The following KALRN variants were observed in gnomAD, a reference collection of about 807,000 sequenced individuals.
The protein encoded by KALRN is kalirin.
In KALRN, 70 loss-of-function variants were observed where a neutral mutation model predicts 353.7. The ratio of observed to expected loss-of-function variants is 0.20; its 90% CI spans 0.16 to 0.24. The LOEUF (loss-of-function observed/expected upper bound fraction) is 0.24, where lower values mean the gene tolerates loss of function less well. Among genes scored for constraint, KALRN ranks in the 10% least tolerant of loss-of-function variants. The pLI, the probability that KALRN is intolerant of heterozygous loss-of-function variation, is 1.00. For synonymous variants in KALRN, 1,391 were observed against 1,434.8 expected (o/e 0.97, Z 0.69); for missense variants, 2,791 against 3,756.7 (o/e 0.74, Z 6.72).
At chr3:124,217,892 C>A (rs1444387426) in intron 1 of KALRN, among the ~76,000 whole-genome samples, 3 of 152,206 alleles carry the variant, frequency 2.0e-5, no homozygotes, top group Non-Finnish European at 2.9e-5. Context: ...TGTGGTGGAA[C>A]TGTGCCCAGT....
chr3:124,575,216 A>G (rs2073974276), intron 34 of KALRN, among the ~76,000 whole-genome samples: 1 of 152,194 alleles, frequency 6.6e-6, no homozygotes, highest in South Asian at 2.1e-4. Context: ...CTTGATTCTC[A>G]GATTGTGCCC....
chr3:124,487,568 C>T (rs912946153), intron 28 of KALRN, among the ~76,000 whole-genome samples: 1 of 152,202 alleles, frequency 6.6e-6, no homozygotes, highest in Admixed American at 6.5e-5. Context: ...ATCGCACTTA[C>T]CTCATCTGAC....
intron 2 of KALRN, among the ~76,000 whole-genome samples, chr3:124,232,775 C>A (rs1011632096): frequency 6.6e-6 from 1 of 152,068 alleles, no homozygotes; most frequent in Non-Finnish European, 1.5e-5. Flanking sequence ...TCCATCTGAA[C>A]CTTCCAAACT....
At chr3:124,449,354 A>T (rs1006424909) in intron 21 of KALRN, among the ~76,000 whole-genome samples, 2 of 152,208 alleles carry the variant, frequency 1.3e-5, no homozygotes, top group African/African-American at 4.8e-5. Flanking sequence ...ATAAAAATGA[A>T]ATAAAAAGTT....
chr3:124,207,400 T>C (rs1308055803), intron 1 of KALRN, among the ~76,000 whole-genome samples: 1 of 152,192 alleles, frequency 6.6e-6, no homozygotes, highest in Non-Finnish European at 1.5e-5. Context: ...ACCTCTGTCC[T>C]GTAACTCTCT....
At chr3:124,043,243 A>T (rs2040129763) in intron 1 of KALRN, among the ~76,000 whole-genome samples, 1 of 152,146 alleles carries the variant, frequency 6.6e-6, no homozygotes. Flanking sequence ...GTGGGAGTGC[A>T]TATAGATGGC....
chr3:124,416,250 A>G (rs984260132), intron 14 of KALRN, among the ~76,000 whole-genome samples: 2 of 152,224 alleles, frequency 1.3e-5, no homozygotes, highest in African/African-American at 4.8e-5. Context: ...ACCCTGGGCA[A>G]GCCAACGTCT....
chr3:124,657,626 C>T, intron 40 of KALRN, 75 bp downstream of exon 40: 1 of 1,388,416 alleles, frequency 7.2e-7, no homozygotes. Context: ...GCATCTGACT[C>T]AAGGAGTAGG....
intron 1 of KALRN, among the ~76,000 whole-genome samples, chr3:124,165,142 A>G (rs1218913212): frequency 6.6e-6 from 1 of 152,278 alleles, no homozygotes; most frequent in Non-Finnish European, 1.5e-5. Flanking sequence ...AAATGAAAAC[A>G]CAAGTAATTA....
chr3:124,255,641 G>A (rs1293667633), intron 3 of KALRN, among the ~76,000 whole-genome samples: 1 of 152,222 alleles, frequency 6.6e-6, no homozygotes, highest in Non-Finnish European at 1.5e-5. Flanking sequence ...GAGCCTGGCT[G>A]TAGATACCCC....
In KALRN at chr3:124,329,950, C is replaced by A. The variant is rs1360998481; in HGVS notation, c.1374C>A (p.His458Gln). 6 of 1,613,786 alleles carry A rather than the reference C, an allele frequency of 3.7e-6. No homozygotes were observed. In the Admixed American group the frequency reaches 6.7e-5, roughly 18 times the overall value. Residue 458 changes from histidine to glutamine, a missense_variant, in exon 8 of 60, where the codon CAC becomes CAA. His to Gln is a conservative substitution (Grantham distance 24). Transcript: ENST00000682506. ...EMQDLELAIH[H>Q]HQTLYEQVTQ... ...AAGACCTAGAGCTGGCAATCCACCA[C>A]CACCAGACCTTGTATGAGCAGGTGA...
chr3:124,408,039 C>T (rs1433828278), intron 13 of KALRN, among the ~76,000 whole-genome samples: 1 of 152,160 alleles, frequency 6.6e-6, no homozygotes, highest in African/African-American at 2.4e-5. Flanking sequence ...TCCCAAAGTG[C>T]TGGGATTACA....
intron 1 of KALRN, among the ~76,000 whole-genome samples, chr3:124,064,026 A>G (rs1005735968): frequency 2.0e-5 from 3 of 152,222 alleles, no homozygotes; most frequent in African/African-American, 7.2e-5. Context: ...CAATTGTTAG[A>G]ATTCAGTTAA....
At chr3:124,585,284 T>C (rs1248923322) in intron 34 of KALRN, among the ~76,000 whole-genome samples, 1 of 152,172 alleles carries the variant, frequency 6.6e-6, no homozygotes, top group Non-Finnish European at 1.5e-5. Flanking sequence ...TCACCTCTCA[T>C]TTACACATGG....
chr3:124,226,871 T>C (rs1411915673), intron 1 of KALRN, among the ~76,000 whole-genome samples: 2 of 152,162 alleles, frequency 1.3e-5, no homozygotes, highest in South Asian at 2.1e-4. Context: ...GGGGTATCCA[T>C]GGTATCTGGT....
intron 56 of KALRN, among the ~76,000 whole-genome samples, chr3:124,701,250 C>T (rs983410425): frequency 6.6e-6 from 1 of 152,232 alleles, no homozygotes. Flanking sequence ...TGACACATCA[C>T]ACAAGGTAAT....
intron 3 of KALRN, among the ~76,000 whole-genome samples, chr3:124,259,425 A>C (rs543892665): frequency 6.6e-6 from 1 of 152,350 alleles, no homozygotes; most frequent in Admixed American, 6.5e-5. Flanking sequence ...CACCAGTGAC[A>C]TCTCCTATGG....
At chr3:124,384,341 C>A (rs2087869644) in intron 10 of KALRN, among the ~76,000 whole-genome samples, 1 of 152,196 alleles carries the variant, frequency 6.6e-6, no homozygotes, top group Non-Finnish European at 1.5e-5. Context: ...TTGCTGATCC[C>A]TTCCCCTCCA....
chr3:124,112,186 C>T (rs1163646139), intron 1 of KALRN, among the ~76,000 whole-genome samples: 1 of 151,682 alleles, frequency 6.6e-6, no homozygotes, highest in Non-Finnish European at 1.5e-5. Flanking sequence ...ACCTGTAGTC[C>T]CAGCTACTTG....
Sources: allele counts gnomAD v4.1 joint callset (sites outside exome capture counted in the v4.1 genomes callset), GRCh38; gene constraint gnomAD v4.1.1; transcripts MANE v1.5; gene names NCBI Gene and HGNC (gene_info 2026-07-23, HGNC 2026-07-21).